Variants in HECTD4 observed in about 807,000 individuals in gnomAD.
HECTD4 encodes the protein HECT domain E3 ubiquitin protein ligase 4.
In HECTD4, 114 loss-of-function variants were observed where a neutral mutation model predicts 471.5. The ratio of observed to expected loss-of-function variants is 0.24; its 90% CI spans 0.21 to 0.28. The LOEUF (loss-of-function observed/expected upper bound fraction) is 0.28. Ranked by LOEUF, HECTD4 falls within the 10% of genes least tolerant of loss-of-function variation. HECTD4 has a pLI of 1.00. For synonymous variants in HECTD4, 2,012 were observed against 2,256.0 expected, an observed-to-expected ratio of 0.89 and a Z score of 3.07; for missense variants, 3,866 against 5,651.5, an observed-to-expected ratio of 0.68 and a Z score of 10.13.
intron 66 of HECTD4, 80 bp downstream of exon 66, chr12:112,175,656 C>A: frequency 6.7e-7 from 1 of 1,488,920 alleles, no homozygotes; most frequent in Non-Finnish European, 9.2e-7. Context: ...GGAGACGGAT[C>A]AGCTCCTCAG....
intron 66 of HECTD4, 96 bp from the exon 67 acceptor site, chr12:112,172,957 G>A (rs1218543466): frequency 9.1e-7 from 1 of 1,093,446 alleles, no homozygotes; most frequent in African/African-American, 1.5e-5. Flanking sequence ...TCAGCTCCTG[G>A]AGCACATTCA....
intron 7 of HECTD4, among the ~76,000 whole-genome samples, chr12:112,286,047 T>C (rs1193683566): frequency 3.5e-4 from 53 of 152,110 alleles, no homozygotes; most frequent in Non-Finnish European, 2.9e-5. Context: ...CAAAACACTA[T>C]ATTATTGTAT....
chr12:112,308,672 T>G (rs2035317196), intron 6 of HECTD4, 81 bp downstream of exon 6: 2 of 1,228,648 alleles, frequency 1.6e-6, no homozygotes, highest in Non-Finnish European at 1.1e-6. Context: ...ATCAACTGTA[T>G]TATTATTACT....
Position 112,270,219 on chromosome 12 carries a change from G to GT in HECTD4, c.2175+7dup. 1 of 1,603,530 alleles carries GT rather than the reference G, an allele frequency of 6.2e-7. No homozygotes were observed. The highest frequency in any genetic ancestry group is 8.5e-7 in the Non-Finnish European group (1 of 1,170,498). On this transcript the variant is annotated splice_region_variant and intron_variant, in intron 12 of 75. Coordinates refer to ENST00000682272, the MANE Select transcript of HECTD4 (RefSeq NM_001388303.1). ...ATCATCTTATTTATTTCAAAACAGT[G>GT]TATTTACCTGAAAGACAACGAGAAT...
chr12:112,303,973 T>C (rs1162724600), intron 7 of HECTD4, among the ~76,000 whole-genome samples: 1 of 152,040 alleles, frequency 6.6e-6, no homozygotes, highest in Non-Finnish European at 1.5e-5. Flanking sequence ...TGTTTATATC[T>C]GGCGTTCATA....
chr12:112,296,292 T>C (rs2035011508), intron 7 of HECTD4, among the ~76,000 whole-genome samples: 1 of 151,220 alleles, frequency 6.6e-6, no homozygotes, highest in African/African-American at 2.4e-5. Flanking sequence ...GTGCAGTGGA[T>C]GTAGGTGCAG....
chr12:112,366,483 G>A (rs1285557843), intron 1 of HECTD4, among the ~76,000 whole-genome samples: 1 of 152,028 alleles, frequency 6.6e-6, no homozygotes, highest in Non-Finnish European at 1.5e-5. Flanking sequence ...TTATGCTGCT[G>A]TACTCAGCCT....
chr12:112,351,659 A>G (rs113282874), intron 1 of HECTD4, among the ~76,000 whole-genome samples: 2 of 152,338 alleles, frequency 1.3e-5, no homozygotes, highest in Non-Finnish European at 2.9e-5. Context: ...GTGTTAATTT[A>G]GTGTGTTTAG....
Position 112,239,762 on chromosome 12 carries a change from T to C in HECTD4, c.5105+119A>G, listed in dbSNP as rs1386210925. On this transcript the variant is annotated intron_variant, in intron 33 of 75. Coordinates refer to ENST00000682272, the MANE Select transcript of HECTD4 (RefSeq NM_001388303.1). The surrounding 1 kb of genome is among the most constrained non-coding windows in gnomAD (Gnocchi z 4.9). Reference sequence around the variant, plus strand: ...AGTGTCTTTCAGGAGAAAAGTTTTGTATAGCTAGCTCTGGATAATGAAAGC... The same window carrying C: ...AGTGTCTTTCAGGAGAAAAGTTTTGCATAGCTAGCTCTGGATAATGAAAGC... 1.1e-6 allele frequency: 1 copy of C among 895,324 alleles called. No individual in the cohort carries two copies. Among genetic ancestry groups the C allele is most frequent in the Non-Finnish European group, 1.6e-6 (1 of 624,100 alleles). 55.5% of individuals were successfully genotyped at this position (895,324 alleles called of 1,614,324 possible).
intron 48 of HECTD4, among the ~76,000 whole-genome samples, chr12:112,215,511 G>A (rs756168792): frequency 2.6e-5 from 4 of 152,098 alleles, no homozygotes. Flanking sequence ...TTATTTACAT[G>A]GAGACTAAAA....
At position 112,237,142 on chromosome 12, in the gene HECTD4, AG is replaced by A. The variant is rs2033529080; in HGVS notation, c.5291-45del. ...AAAAAAAGAGATTGGTGAAAACTTA[AG>A]GGTGCCATGGTGAGCCTGAGGGGGC... is the stretch of plus-strand genomic sequence containing the variant. On this transcript the variant is annotated intron_variant, in intron 34 of 75. Coordinates refer to ENST00000682272, the MANE Select transcript of HECTD4 (RefSeq NM_001388303.1). 3 of 1,511,308 alleles carry A rather than the reference AG, an allele frequency of 2.0e-6. No homozygotes were observed. The East Asian group carries it at 7.4e-5, about 37-fold the overall frequency. The allele number at this position is 1,511,308 out of a possible 1,614,324, so 93.6% of individuals were successfully genotyped here. A position where few individuals can be genotyped will look rare whatever the true frequency, so the allele number is the denominator to read the frequency against.
At chr12:112,360,226 G>A (rs953690301) in intron 1 of HECTD4, among the ~76,000 whole-genome samples, 20 of 152,216 alleles carry the variant, frequency 1.3e-4, no homozygotes, top group African/African-American at 4.3e-4. Flanking sequence ...GGCTGGGGCA[G>A]GAGGATCGCT....
At chr12:112,256,004 C>T (rs1372561849) in intron 21 of HECTD4, among the ~76,000 whole-genome samples, 1 of 152,136 alleles carries the variant, frequency 6.6e-6, no homozygotes, top group African/African-American at 2.4e-5. Flanking sequence ...ACTTCAAGCA[C>T]GGAGGGAGGG....
At chr12:112,226,583 T>A (rs1350717983) in intron 44 of HECTD4, 60 bp downstream of exon 44, 4 of 1,120,792 alleles carry the variant, frequency 3.6e-6, no homozygotes, top group Non-Finnish European at 5.2e-6. Flanking sequence ...CATTATCAAA[T>A]TGCAAATGTG....
rs891441153 is a variant in HECTD4 at position 112,253,286 on chromosome 12, G to A, written c.3447+757C>T. On this transcript the variant is annotated intron_variant, in intron 22 of 75. Transcript: ENST00000682272. ...ATGACAGACACACACCACCACGCCC[G>A]GCTAATTTTTGTATTTTTAGTAGAG... 4.0e-5 allele frequency among the ~76,000 whole-genome samples: 6 copies of A among 151,780 alleles called. No individual in the cohort carries two copies. The South Asian group carries it at 6.2e-4, about 16-fold the overall frequency.
At position 112,179,877 on chromosome 12, in the gene HECTD4, G is replaced by A. The variant is rs909179376; in HGVS notation, c.10988-480C>T. Among the ~76,000 whole-genome samples, 5 of 152,336 alleles carry A rather than the reference G, an allele frequency of 3.3e-5. No homozygotes were observed. Among genetic ancestry groups the A allele is most frequent in the African/African-American group, 1.2e-4 (5 of 41,574 alleles). On this transcript the variant is annotated intron_variant, in intron 62 of 75. Transcript: ENST00000682272. The surrounding 1 kb of genome is among the most constrained non-coding windows in gnomAD (Gnocchi z 4.3). ...AGTGGGAAGTACAACTTGTTAAACA[G>A]GTGATCTCATTCATAGGAAATATTC...
chr12:112,357,787 A>T (rs1224454196), intron 1 of HECTD4, among the ~76,000 whole-genome samples: 1 of 152,246 alleles, frequency 6.6e-6, no homozygotes, highest in Non-Finnish European at 1.5e-5. Flanking sequence ...TTACTTACAA[A>T]ATGCTAATGT....
chr12:112,380,819 G>A (rs944095543), intron 1 of HECTD4, among the ~76,000 whole-genome samples: 5 of 152,128 alleles, frequency 3.3e-5, no homozygotes, highest in Admixed American at 6.6e-5. Context: ...TCCGATCACT[G>A]CCGTTTCCAG....
chr12:112,165,635 G>A (rs982555616), intron 72 of HECTD4, among the ~76,000 whole-genome samples: 4 of 152,214 alleles, frequency 2.6e-5, no homozygotes, highest in South Asian at 2.1e-4. Flanking sequence ...ACAGGCGTGA[G>A]CCACCGCGCC....
Sources: allele counts gnomAD v4.1 joint callset (sites outside exome capture counted in the v4.1 genomes callset), GRCh38; gene constraint gnomAD v4.1.1; non-coding constraint Gnocchi (gnomAD v3.1); transcripts MANE v1.5; gene names NCBI Gene and HGNC (gene_info 2026-07-23, HGNC 2026-07-21).